The following DOCK8 variants were observed in gnomAD, a reference collection of about 807,000 sequenced individuals.
DOCK8 encodes dedicator of cytokinesis protein 8.
Under a neutral mutation model 245.6 loss-of-function variants are expected in DOCK8, and 141 were observed. The ratio of observed to expected loss-of-function variants is 0.57; its 90% confidence interval spans 0.50 to 0.66. The LOEUF is 0.66. DOCK8 is among the 30% of genes least tolerant of loss of function. The pLI is 0.00. For missense variants in DOCK8, 2,965 were observed against 2,603.4 expected, an observed-to-expected ratio of 1.14 and a Z score of -3.02; for synonymous variants, 1,168 against 970.2, an observed-to-expected ratio of 1.20 and a Z score of -3.79.
chr9:412,384 C>T (rs1466717420), intron 28 of DOCK8, among the ~76,000 whole-genome samples: 1 of 130,784 alleles, frequency 7.6e-6, no homozygotes, highest in Non-Finnish European at 1.6e-5. Flanking sequence ...CAGCCTGGGC[C>T]ACAGAGTAAG....
At chr9:434,676 G>T in intron 38 of DOCK8, 107 bp from the exon 39 acceptor site, 1 of 1,160,288 alleles carries the variant, frequency 8.6e-7, no homozygotes, top group Non-Finnish European at 1.2e-6. Context: ...AGGTGGAGGG[G>T]TACAGGGAAC....
chr9:401,399 G>A (rs1169111049), intron 26 of DOCK8, among the ~76,000 whole-genome samples: 13 of 152,112 alleles, frequency 8.5e-5, no homozygotes, highest in South Asian at 2.1e-4. Context: ...CAGGGGAGAG[G>A]AGGATTAGGG....
At chr9:264,568 A>C (rs553264065) in intron 1 of DOCK8, among the ~76,000 whole-genome samples, 1 of 152,358 alleles carries the variant, frequency 6.6e-6, no homozygotes, top group East Asian at 1.9e-4. Context: ...AAGAACTTAC[A>C]AGGAATTTAT....
At chr9:411,474 A>T (rs1028011446) in intron 28 of DOCK8, among the ~76,000 whole-genome samples, 1 of 152,084 alleles carries the variant, frequency 6.6e-6, no homozygotes, top group East Asian at 1.9e-4. Context: ...TAAAAGCTCA[A>T]ACCTGGGGGG....
intron 5 of DOCK8, among the ~76,000 whole-genome samples, chr9:309,403 G>T (rs1458202466): frequency 6.6e-6 from 1 of 152,146 alleles, no homozygotes; most frequent in African/African-American, 2.4e-5. Context: ...TGGAGAAATT[G>T]TCCAGTAGTA....
intron 20 of DOCK8, among the ~76,000 whole-genome samples, chr9:377,702 C>T (rs10814449): frequency 0.37 from 56,651 of 152,088 alleles, 13,481 homozygotes; most frequent in African/African-American, 0.68. Context: ...GTGCAATGAT[C>T]GCTACAATCT....
chr9:275,917 A>G (rs1586569976), intron 2 of DOCK8, among the ~76,000 whole-genome samples: 1 of 104,992 alleles, frequency 9.5e-6, no homozygotes, highest in South Asian at 2.9e-4. Flanking sequence ...TTGTAATGGA[A>G]TTTCCCTCTG....
rs1447720287 is a variant in DOCK8 at position 376,967 on chromosome 9, C to T, written c.2206-10C>T. On this transcript the variant is annotated splice_polypyrimidine_tract_variant and intron_variant, in intron 19 of 47. Coordinates refer to ENST00000432829, the MANE Select transcript of DOCK8 (RefSeq NM_203447.4). ...TAAAACCCCATGAGGCCTGCCTTCT[C>T]CCTTCGCAGGACAACCACCTGGAGA... 1.2e-6 allele frequency: 2 copies of T among 1,612,464 alleles called. No homozygotes were observed. Among genetic ancestry groups the T allele is most frequent in the Admixed American group, 1.7e-5 (1 of 59,894 alleles).
chr9:288,870 G>A (rs1200804914), intron 3 of DOCK8, among the ~76,000 whole-genome samples: 2 of 152,230 alleles, frequency 1.3e-5, no homozygotes, highest in Admixed American at 6.5e-5. Context: ...AAGGCTTGTA[G>A]CATTTAAGCC....
At position 289,597 on chromosome 9, in the gene DOCK8, T is replaced by G; in HGVS notation, c.404+16T>G. On this transcript the variant is annotated intron_variant, in intron 4 of 47. Coordinates refer to ENST00000432829, the MANE Select transcript of DOCK8 (RefSeq NM_203447.4). ...TGAACCGGAAGTAAGTTACTTTTTTTCCACTTTTTGTATATAAATATTAAT... is the reference window on the plus strand; with the variant it reads ...TGAACCGGAAGTAAGTTACTTTTTTGCCACTTTTTGTATATAAATATTAAT... The G allele has an allele frequency of 6.3e-7, 1 of 1,582,974 alleles. No individual in the cohort carries two copies. The highest frequency in any genetic ancestry group is 1.7e-5 in the Admixed American group (1 of 59,794).
chr9:299,623 C>T (rs926347100), intron 4 of DOCK8, among the ~76,000 whole-genome samples: 1 of 151,892 alleles, frequency 6.6e-6, no homozygotes, highest in Non-Finnish European at 1.5e-5. Context: ...TCAGAGTTCA[C>T]CTGTTTATTT....
intron 9 of DOCK8, among the ~76,000 whole-genome samples, chr9:330,186 C>T (rs1160231296): frequency 6.6e-6 from 1 of 151,916 alleles, no homozygotes; most frequent in African/African-American, 2.4e-5. Flanking sequence ...AAGTTTAATT[C>T]AAGATTTTGT....
At chr9:327,355 T>C (rs936645680) in intron 8 of DOCK8, among the ~76,000 whole-genome samples, 1 of 152,170 alleles carries the variant, frequency 6.6e-6, no homozygotes. Context: ...TATTTTGCTT[T>C]TACTGTAGTT....
chr9:334,114 CTT>C (rs2051190519), intron 10 of DOCK8, 109 bp from the exon 11 acceptor site: 1 of 1,213,740 alleles, frequency 8.2e-7, no homozygotes, highest in African/African-American at 1.5e-5. Flanking sequence ...TGTTTTTACT[CTT>C]TTTAATCAGT....
chr9:241,513 G>T (rs535101026), intron 1 of DOCK8, among the ~76,000 whole-genome samples: 1 of 152,232 alleles, frequency 6.6e-6, no homozygotes, highest in South Asian at 2.1e-4. Context: ...TATTTCACTT[G>T]GTGTAATGTC....
At chr9:379,219 T>G (rs10973129) in intron 20 of DOCK8, among the ~76,000 whole-genome samples, 60,419 of 152,002 alleles carry the variant, frequency 0.4, 15,643 homozygotes, top group African/African-American at 0.74. Flanking sequence ...GAACAAGAGG[T>G]TCTATGCAGT....
At chr9:270,751 ATC>A (rs1355691337) in intron 1 of DOCK8, among the ~76,000 whole-genome samples, 1 of 152,276 alleles carries the variant, frequency 6.6e-6, no homozygotes, top group Non-Finnish European at 1.5e-5. Flanking sequence ...ATCCTCAGTA[ATC>A]TCTGTTAGTT....
chr9:337,775 G>A (rs1388642235), intron 12 of DOCK8, among the ~76,000 whole-genome samples: 1 of 152,202 alleles, frequency 6.6e-6, no homozygotes, highest in East Asian at 1.9e-4. Flanking sequence ...CAGAGTTTCA[G>A]ATTTTTTTTG....
intron 4 of DOCK8, among the ~76,000 whole-genome samples, chr9:302,736 A>G (rs955809158): frequency 2.0e-5 from 3 of 152,220 alleles, no homozygotes; most frequent in Admixed American, 6.5e-5. Context: ...GCCAAAAAAT[A>G]TATGAAAAAA....
Sources: gnomAD v4.1 joint callset for allele counts (sites outside exome capture counted in the v4.1 genomes callset) on GRCh38, gnomAD v4.1.1 for gene constraint, MANE v1.5 for transcripts, NCBI Gene and HGNC (gene_info 2026-07-23, HGNC 2026-07-21) for gene names.